The following ADM variants were observed in gnomAD, a reference collection of about 807,000 sequenced individuals.
ADM encodes pro-adrenomedullin.
A neutral mutation model predicts 9.0 loss-of-function variants in ADM; 4 were observed. The observed-to-expected ratio is 0.44, with a 90% confidence interval of 0.22 to 1.02. The LOEUF (loss-of-function observed/expected upper bound fraction) is 1.02. ADM is among the 50% of genes least tolerant of loss of function. The pLI is 0.24. For synonymous variants in ADM, 107 were observed against 107.2 expected, an observed-to-expected ratio of 1.00 and a Z score of 0.01; for missense variants, 253 against 254.1, an observed-to-expected ratio of 1.00 and a Z score of 0.03.
In ADM at chr11:10,306,909, G is replaced by A; in HGVS notation, c.*268G>A. The A allele has an allele frequency of 2.7e-6, 1 of 370,188 alleles. No homozygotes were observed. The highest frequency in any genetic ancestry group is 4.8e-6 in the Non-Finnish European group (1 of 207,574). The allele number at this position is 370,188 out of a possible 1,614,324, so 22.9% of individuals were successfully genotyped here. A position where few individuals can be genotyped will look rare whatever the true frequency, so the allele number is the denominator to read the frequency against. ...GTGTTTGCCAGGCTTAAGGAGAGGA[G>A]AAACTGAGAAATGAATGCTGAGACC... On this transcript the variant is annotated 3_prime_UTR_variant, in exon 4 of 4. Transcript: ENST00000278175.
chr11:10,306,948 T>G lies in ADM; in HGVS notation c.*307T>G, dbSNP rs1349044711. 1 of 285,502 alleles carries G rather than the reference T, an allele frequency of 3.5e-6. No individual in the cohort carries two copies. The highest frequency in any genetic ancestry group is 6.5e-6 in the Non-Finnish European group (1 of 154,410). 17.7% of individuals were successfully genotyped at this position (285,502 alleles called of 1,614,324 possible). ...AATGCTGAGACCCCCGGAGCAGGGG[T>G]CTGAGCCACAGCCGTGCTCGCCCAC... On this transcript the variant is annotated 3_prime_UTR_variant, in exon 4 of 4. Transcript: ENST00000278175.
chr11:10,305,578 G>A (rs1264283341), intron 1 of ADM, 102 bp from the exon 2 acceptor site: 4 of 969,412 alleles, frequency 4.1e-6, no homozygotes, highest in African/African-American at 3.2e-5. Flanking sequence ...GAAAGCGCGG[G>A]CTAAACCCGC....
rs767558268 is a variant in ADM, at chr11:10,305,814, G to A, written c.98+16G>A. The A allele has an allele frequency of 3.7e-6, 6 of 1,613,958 alleles. No homozygotes were observed. The highest frequency in any genetic ancestry group is 5.1e-6 in the Non-Finnish European group (6 of 1,179,916). On this transcript the variant is annotated intron_variant, in intron 2 of 3. Coordinates refer to ENST00000278175, the MANE Select transcript of ADM (RefSeq NM_001124.3). ...TTCGAAAGAAGTGAGTCCGGGCAGC[G>A]CCTTCCCCCTTGCTGGTACCTGGCA...
At position 10,306,313 on chromosome 11, in the gene ADM, CCCCT is replaced by C; in HGVS notation, c.249-15_249-12del. 1.3e-5 allele frequency: 10 copies of C among 792,608 alleles called. No individual in the cohort carries two copies. The highest frequency in any genetic ancestry group is 2.0e-5 in the Non-Finnish European group (10 of 502,028). 49.1% of individuals were successfully genotyped at this position (792,608 alleles called of 1,614,324 possible). On this transcript the variant is annotated splice_polypyrimidine_tract_variant and intron_variant, in intron 3 of 3. Transcript: ENST00000278175. ...ATGGGGTCTCAAGTTGCCTTTCTTC[CCCCT>C]CCCCCCGCCCGCAGCAGTCCGGATG... is the stretch of plus-strand genomic sequence containing the variant.
In ADM at chr11:10,306,333, A is replaced by T. The variant is rs762219274; in HGVS notation, c.250A>T (p.Ser84Cys). 1 of 847,846 alleles carries T rather than the reference A, an allele frequency of 1.2e-6. No homozygotes were observed. Among genetic ancestry groups the T allele is most frequent in the Non-Finnish European group, 1.7e-6 (1 of 583,938 alleles). The allele number at this position is 847,846 out of a possible 1,614,324, so 52.5% of individuals were successfully genotyped here. Residue 84 changes from serine (S) to cysteine (C), a missense_variant and splice_region_variant, in exon 4 of 4, where the codon AGT becomes TGT. Coordinates refer to ENST00000278175, the MANE Select transcript of ADM (RefSeq NM_001124.3). The stretch of plus-strand genomic sequence containing the variant: ...TCTTCCCCCTCCCCCCGCCCGCAGC[A>T]GTCCGGATGCCGCCCGCATCCGAGT... ...KGASRSPEDS[S>C]PDAARIRVKR...
In ADM at chr11:10,306,569, T is replaced by C; in HGVS notation, c.486T>C (p.Thr162=). ...RSLPEAGPGR[T]LVSSKPQAHG... The stretch of plus-strand genomic sequence containing the variant: ...TGCCCGAGGCCGGCCCGGGTCGGAC[T>C]CTGGTGTCTTCTAAGCCACAAGCAC... Residue 162 remains threonine (T), a synonymous_variant, in exon 4 of 4, where the codon ACT becomes ACC. Transcript: ENST00000278175. 1.2e-6 allele frequency: 2 copies of C among 1,611,806 alleles called. No individual in the cohort carries two copies. Among genetic ancestry groups the C allele is most frequent in the Non-Finnish European group, 1.7e-6 (2 of 1,179,188 alleles).
chr11:10,305,819 C>A lies in ADM; in HGVS notation c.98+21C>A, dbSNP rs1309690578. On this transcript the variant is annotated intron_variant, in intron 2 of 3. Coordinates refer to ENST00000278175, the MANE Select transcript of ADM (RefSeq NM_001124.3). ...AAGAAGTGAGTCCGGGCAGCGCCTT[C>A]CCCCTTGCTGGTACCTGGCAGGCAA... 28 of 1,613,728 alleles carry A rather than the reference C, an allele frequency of 1.7e-5. No homozygotes were observed. The East Asian group carries it at 6.0e-4, about 35-fold the overall frequency.
chr11:10,306,588 C>T lies in ADM; in HGVS notation c.505C>T (p.Gln169Ter). Residue 169 changes from glutamine (Q) to a stop codon, truncating the protein, a stop_gained, in exon 4 of 4, where the codon CAA (glutamine) becomes TAA (stop). Coordinates refer to ENST00000278175, the MANE Select transcript of ADM (RefSeq NM_001124.3). LOFTEE classifies it low-confidence loss of function (END_TRUNC). The stretch of plus-strand genomic sequence containing the variant: ...TCGGACTCTGGTGTCTTCTAAGCCA[C>T]AAGCACACGGGGCTCCAGCCCCCCC... The part of the protein sequence containing the change: ...PGRTLVSSKP[Q>*]AHGAPAPPSG... 1 of 1,604,582 alleles carries T rather than the reference C, an allele frequency of 6.2e-7. No homozygotes were observed. The highest frequency in any genetic ancestry group is 8.5e-7 in the Non-Finnish European group (1 of 1,175,730).
intron 1 of ADM, chr11:10,305,478 G>T (rs1744144287): frequency 1.8e-6 from 1 of 569,506 alleles, no homozygotes; most frequent in Non-Finnish European, 3.1e-6. Context: ...GGGGTGCAGC[G>T]GCCTCCCCTG....
In ADM at chr11:10,305,677, C is replaced by T; in HGVS notation, c.-21-3C>T. On this transcript the variant is annotated splice_region_variant and splice_polypyrimidine_tract_variant and intron_variant, in intron 1 of 3. Coordinates refer to ENST00000278175, the MANE Select transcript of ADM (RefSeq NM_001124.3). ...ACGCTCGACTCTCTTTCTTCTTTTC[C>T]AGGGTCTGCGCTTCGCAGCCGGGAT... The T allele has an allele frequency of 6.2e-7, 1 of 1,611,310 alleles. No homozygotes were observed. Among genetic ancestry groups the T allele is most frequent in the Non-Finnish European group, 8.5e-7 (1 of 1,178,806 alleles).
chr11:10,305,647 T>C (rs1031086688), intron 1 of ADM, 33 bp from the exon 2 acceptor site: 198 of 1,577,548 alleles, frequency 1.3e-4, no homozygotes, highest in Non-Finnish European at 1.7e-4. Flanking sequence ...CTGGCCCGGG[T>C]GCTCACGCTC....
At chr11:10,305,839 A>AG in intron 2 of ADM, 41 bp downstream of exon 2, 1 of 1,612,206 alleles carries the variant, frequency 6.2e-7, no homozygotes, top group Non-Finnish European at 8.5e-7. Context: ...GGTACCTGGC[A>AG]GGCAAGGGGA....
chr11:10,306,279 C>T (rs754185495), intron 3 of ADM, 53 bp from the exon 4 acceptor site: 2 of 1,589,968 alleles, frequency 1.3e-6, no homozygotes, highest in East Asian at 4.5e-5. Context: ...GGGGCCAAAG[C>T]TCTGCTTGAT....
chr11:10,306,857 CA>C lies in ADM; in HGVS notation c.*217del, dbSNP rs1420699096. On this transcript the variant is annotated 3_prime_UTR_variant, in exon 4 of 4. Transcript: ENST00000278175. ...TAGCCTTGCTCAGGTGCAAGTGCCC[CA>C]GGGGGCGGGGTGCAGAAGAATCCGA... 3 of 468,638 alleles carry C rather than the reference CA, an allele frequency of 6.4e-6. No individual in the cohort carries two copies. The highest frequency in any genetic ancestry group is 1.1e-5 in the Non-Finnish European group (3 of 269,186). 29.0% of individuals were successfully genotyped at this position (468,638 alleles called of 1,614,324 possible).
At chr11:10,306,150 A>C (rs772943139) in intron 3 of ADM, 52 bp downstream of exon 3, 2 of 1,598,274 alleles carry the variant, frequency 1.3e-6, no homozygotes, top group East Asian at 2.2e-5. Flanking sequence ...GGTGTGCGGG[A>C]GGAGTTCTCT....
chr11:10,305,620 C>T, intron 1 of ADM, 60 bp from the exon 2 acceptor site: 1 of 1,493,466 alleles, frequency 6.7e-7, no homozygotes, highest in Non-Finnish European at 9.2e-7. Context: ...CCTCCGTGCC[C>T]CGCCCGGGCG....
intron 2 of ADM, 30 bp from the exon 3 acceptor site, chr11:10,305,919 A>C: frequency 1.2e-6 from 2 of 1,613,012 alleles, no homozygotes; most frequent in Non-Finnish European, 1.7e-6. Context: ...ACCTGAACGC[A>C]CGCGAATCGG....
chr11:10,305,862 T>A, intron 2 of ADM, 64 bp downstream of exon 2: 2 of 1,612,068 alleles, frequency 1.2e-6, no homozygotes, highest in Admixed American at 1.7e-5. Flanking sequence ...TGACCGTTGG[T>A]CCCGAAGGTC....
chr11:10,305,501 C>A (rs1210741930), intron 1 of ADM, 179 bp from the exon 2 acceptor site: 3 of 590,378 alleles, frequency 5.1e-6, no homozygotes, highest in Non-Finnish European at 9.0e-6. Flanking sequence ...GGGCCTGTCA[C>A]CCGGCCGGCG....
Sources: allele counts gnomAD v4.1 joint callset, GRCh38; gene constraint gnomAD v4.1.1; transcripts MANE v1.5; gene names NCBI Gene and HGNC (gene_info 2026-07-23, HGNC 2026-07-21).